Variants in COL19A1 observed in about 807,000 individuals in gnomAD.
The protein encoded by COL19A1 is collagen alpha-1(XIX) chain.
COL19A1 carries 159 observed loss-of-function variants against 190.2 expected under a neutral mutation model. The ratio of observed to expected loss-of-function variants is 0.84; its 90% CI spans 0.73 to 0.95. The LOEUF is 0.95. Among genes scored for constraint, COL19A1 ranks in the 40% least tolerant of loss-of-function variants. The pLI, the probability that COL19A1 is intolerant of heterozygous loss-of-function variation, is 0.00. For missense variants in COL19A1, 1,418 were observed against 1,431.9 expected (o/e 0.99, Z 0.16); for synonymous variants, 509 against 458.9 (o/e 1.11, Z -1.39).
chr6:69,951,514 A>G (rs948481135), intron 9 of COL19A1, among the ~76,000 whole-genome samples: 1 of 151,956 alleles, frequency 6.6e-6, no homozygotes, highest in Non-Finnish European at 1.5e-5. Context: ...GGGAATTTAT[A>G]TTAGTTATTG....
At position 70,027,914 on chromosome 6, in the gene COL19A1, C is replaced by T. The variant is rs150190287; in HGVS notation, c.1080+4234C>T. Reference sequence around the variant, plus strand: ...GTTCACATCCCAGCTCTGCCACTAACTAGCTGATGTACTACTTGGTAAATT... The same window carrying T: ...GTTCACATCCCAGCTCTGCCACTAATTAGCTGATGTACTACTTGGTAAATT... On this transcript the variant is annotated intron_variant, in intron 12 of 50. Coordinates refer to ENST00000620364, the MANE Select transcript of COL19A1 (RefSeq NM_001858.6). Among the ~76,000 whole-genome samples, 8 of 152,222 alleles carry T rather than the reference C, an allele frequency of 5.3e-5. No individual in the cohort carries two copies. In the East Asian group the frequency reaches 1.5e-3, roughly 29 times the overall value.
chr6:70,118,660 G>A (rs1047396585), intron 16 of COL19A1, among the ~76,000 whole-genome samples: 5 of 152,190 alleles, frequency 3.3e-5, no homozygotes, highest in Admixed American at 1.3e-4. Flanking sequence ...AACCCATTTC[G>A]AGTACTACTT....
At chr6:70,194,074 G>T (rs1767043735) in intron 48 of COL19A1, among the ~76,000 whole-genome samples, 1 of 152,234 alleles carries the variant, frequency 6.6e-6, no homozygotes. Flanking sequence ...ACAAGAGACA[G>T]TGTCAATAAC....
At chr6:70,048,524 C>A (rs185239902) in intron 14 of COL19A1, among the ~76,000 whole-genome samples, 2 of 151,846 alleles carry the variant, frequency 1.3e-5, no homozygotes, top group Non-Finnish European at 1.5e-5. Context: ...AAAAAGCAAC[C>A]AATTGGTTAA....
intron 2 of COL19A1, among the ~76,000 whole-genome samples, chr6:69,884,603 A>G (rs2149950843): frequency 6.6e-6 from 1 of 152,266 alleles, no homozygotes; most frequent in South Asian, 2.1e-4. Flanking sequence ...TATGTATTTA[A>G]GAAGCAATGT....
intron 7 of COL19A1, among the ~76,000 whole-genome samples, chr6:69,935,007 A>G (rs1436943039): frequency 1.3e-5 from 2 of 152,004 alleles, no homozygotes; most frequent in Non-Finnish European, 1.5e-5. Context: ...CTGGTTGTCA[A>G]TATTTTATAA....
chr6:69,895,708 C>T (rs1029916510), intron 2 of COL19A1, among the ~76,000 whole-genome samples: 1 of 152,180 alleles, frequency 6.6e-6, no homozygotes, highest in African/African-American at 2.4e-5. Context: ...GACCCCCTCC[C>T]ACTTGGCTGT....
chr6:70,171,965 G>C lies in COL19A1; in HGVS notation c.2570G>C (p.Gly857Ala). Reference protein sequence around the residue: ...PGPKGDPGPVGEPGAMGLPGL... With the variant: ...PGPKGDPGPVAEPGAMGLPGL... ...ATTTCTTATGTTCATATTTAACAGG[G>C]AGAGCCTGGTGCAATGGGGTTGCCA... is the stretch of plus-strand genomic sequence containing the variant. The change falls in exon 41 of 51, where the codon GGA becomes GCA. Residue 857 changes from glycine to alanine, a missense_variant and splice_region_variant. By Grantham distance (60) the Gly-to-Ala change is moderately conservative. Coordinates refer to ENST00000620364, the MANE Select transcript of COL19A1 (RefSeq NM_001858.6). The C allele has an allele frequency of 1.2e-6, 2 of 1,612,900 alleles. No individual in the cohort carries two copies. The highest frequency in any genetic ancestry group is 1.7e-6 in the Non-Finnish European group (2 of 1,179,492).
chr6:70,042,323 A>G (rs1277635538), intron 14 of COL19A1, among the ~76,000 whole-genome samples: 1 of 152,250 alleles, frequency 6.6e-6, no homozygotes, highest in African/African-American at 2.4e-5. Flanking sequence ...TACCACTGCA[A>G]TAAAGCAAGT....
intron 44 of COL19A1, among the ~76,000 whole-genome samples, chr6:70,184,247 T>C (rs1260215984): frequency 2.6e-5 from 4 of 152,196 alleles, no homozygotes; most frequent in African/African-American, 9.7e-5. Context: ...CTGAGAATGA[T>C]ACTCTGTGCT....
rs992351175 is a variant in COL19A1, at chr6:70,004,123, A to G, written c.1027-19504A>G. On this transcript the variant is annotated intron_variant, in intron 11 of 50. Transcript: ENST00000620364. ...CTGTACAGGATTTTATTTCTCCTTC[A>G]CTTATGAAGCTTAGTTTGGCTGGAT... Among the ~76,000 whole-genome samples the G allele has an allele frequency of 9.3e-4, 141 of 152,092 alleles. 9 individuals carry two copies.
chr6:69,925,042 T>G (rs943271731), intron 4 of COL19A1, among the ~76,000 whole-genome samples: 2 of 152,234 alleles, frequency 1.3e-5, no homozygotes, highest in Admixed American at 1.3e-4. Context: ...GGTTGCCTGT[T>G]CACTCTGATG....
At chr6:70,156,593 C>T in intron 33 of COL19A1, 77 bp from the exon 34 acceptor site, 2 of 1,492,562 alleles carry the variant, frequency 1.3e-6, no homozygotes, top group East Asian at 4.6e-5. Flanking sequence ...CCCAAGTGTT[C>T]TTAGAAGAGA....
intron 7 of COL19A1, among the ~76,000 whole-genome samples, chr6:69,935,706 T>G (rs1582454342): frequency 1.4e-5 from 1 of 74,030 alleles, no homozygotes; most frequent in African/African-American, 1.0e-4. Flanking sequence ...TACTACCAAG[T>G]TTTTTTTTTT....
chr6:70,126,582 A>G (rs145663274), intron 17 of COL19A1, among the ~76,000 whole-genome samples: 16 of 152,308 alleles, frequency 1.1e-4, no homozygotes, highest in African/African-American at 3.8e-4. Flanking sequence ...TTTTGCAGAT[A>G]ACTAAGAGGT....
At chr6:70,098,199 A>G (rs993164825) in intron 15 of COL19A1, among the ~76,000 whole-genome samples, 1 of 152,200 alleles carries the variant, frequency 6.6e-6, no homozygotes, top group East Asian at 1.9e-4. Flanking sequence ...TCCTCTGAAA[A>G]GTGGGGGAAT....
intron 16 of COL19A1, among the ~76,000 whole-genome samples, chr6:70,115,140 G>A (rs1784490305): frequency 6.6e-6 from 1 of 152,158 alleles, no homozygotes. Context: ...TTTCCTACTT[G>A]GTACTGTCTT....
chr6:70,159,147 C>CAA (rs3840404), intron 34 of COL19A1, among the ~76,000 whole-genome samples: 9,928 of 135,366 alleles, frequency 0.073, 1,005 homozygotes, highest in African/African-American at 0.24. Context: ...CTAAAAGTAG[C>CAA]AAAAAAAAAA....
At chr6:70,109,504 G>A (rs998956844) in intron 16 of COL19A1, among the ~76,000 whole-genome samples, 3 of 151,018 alleles carry the variant, frequency 2.0e-5, no homozygotes, top group Non-Finnish European at 4.4e-5. Context: ...AGAGATACAC[G>A]TAGCCATGAA....
Sources: gnomAD v4.1 joint callset for allele counts (sites outside exome capture counted in the v4.1 genomes callset) on GRCh38, gnomAD v4.1.1 for gene constraint, MANE v1.5 for transcripts, NCBI Gene and HGNC (gene_info 2026-07-23, HGNC 2026-07-21) for gene names.